Variants in CDH13 observed in about 807,000 individuals in gnomAD.
CDH13 encodes cadherin-13.
Under a neutral mutation model 63.8 loss-of-function variants are expected in CDH13, and 24 were observed. The observed-to-expected ratio is 0.38, with a 90% CI of 0.27 to 0.53. CDH13 has a LOEUF of 0.53. Ranked by LOEUF, CDH13 falls within the 20% of genes least tolerant of loss-of-function variation. The pLI is 0.85. For synonymous variants in CDH13, 503 were observed against 355.3 expected, an observed-to-expected ratio of 1.42 and a Z score of -4.67; for missense variants, 1,049 against 903.1, an observed-to-expected ratio of 1.16 and a Z score of -2.07.
At chr16:83,052,546 A>G (rs1440536607) in intron 3 of CDH13, among the ~76,000 whole-genome samples, 1 of 152,204 alleles carries the variant, frequency 6.6e-6, no homozygotes, top group Non-Finnish European at 1.5e-5. Flanking sequence ...TTGGGAGGCC[A>G]AGGCGGGCAG....
intron 1 of CDH13, among the ~76,000 whole-genome samples, chr16:82,765,221 T>C (rs1339356168): frequency 6.6e-6 from 1 of 152,216 alleles, no homozygotes; most frequent in Non-Finnish European, 1.5e-5. Flanking sequence ...AGTCCTCTGA[T>C]TCACAGTGAA....
intron 1 of CDH13, among the ~76,000 whole-genome samples, chr16:82,826,932 A>T (rs553673783): frequency 6.6e-6 from 1 of 152,306 alleles, no homozygotes; most frequent in East Asian, 1.9e-4. Flanking sequence ...GGGACTTGGG[A>T]AAGGTACTAA....
At chr16:82,778,460 T>G (rs1370949536) in intron 1 of CDH13, among the ~76,000 whole-genome samples, 5 of 151,566 alleles carry the variant, frequency 3.3e-5, no homozygotes, top group African/African-American at 4.9e-5. Flanking sequence ...AGTGTTGACC[T>G]TTGAAGTAGT....
intron 2 of CDH13, among the ~76,000 whole-genome samples, chr16:82,969,135 A>C (rs1183033070): frequency 6.6e-6 from 1 of 152,210 alleles, no homozygotes; most frequent in Admixed American, 6.5e-5. Context: ...AAACATTTTT[A>C]ATTATTTAAA....
intron 11 of CDH13, among the ~76,000 whole-genome samples, chr16:83,767,528 T>C (rs926921880): frequency 2.0e-5 from 3 of 152,210 alleles, no homozygotes; most frequent in Non-Finnish European, 4.4e-5. Flanking sequence ...TGGGTATATC[T>C]TTATTAGCAG....
chr16:83,098,325 T>C (rs981275728), intron 3 of CDH13, among the ~76,000 whole-genome samples: 5 of 152,368 alleles, frequency 3.3e-5, no homozygotes, highest in Non-Finnish European at 5.9e-5. Context: ...CTCTGGTTTT[T>C]AGTTGCTCAT....
At chr16:83,250,983 G>T (rs1035568) in intron 5 of CDH13, among the ~76,000 whole-genome samples, 150,442 of 152,112 alleles carry the variant, frequency 0.99, 74,420 homozygotes, top group Middle Eastern at 1. Context: ...TGGTTTATAT[G>T]CTCGGTGGTT....
chr16:82,821,289 T>G (rs725514), intron 1 of CDH13, among the ~76,000 whole-genome samples: 48,282 of 151,110 alleles, frequency 0.32, 8,808 homozygotes, highest in Non-Finnish European at 0.42. Flanking sequence ...TTAAGGCAAA[T>G]GAGTAAGTGT....
At chr16:83,073,321 CTGTGTGTGTGTG>C (rs567463667) in intron 3 of CDH13, among the ~76,000 whole-genome samples, 30 of 139,800 alleles carry the variant, frequency 2.1e-4, no homozygotes, top group African/African-American at 7.6e-4. Context: ...GGGTGTGTGT[CTGTGTGTGTGTG>C]TGTGTGTGTG....
At chr16:83,031,607 T>C (rs1162906633) in intron 2 of CDH13, among the ~76,000 whole-genome samples, 2 of 151,936 alleles carry the variant, frequency 1.3e-5, no homozygotes, top group African/African-American at 4.8e-5. Flanking sequence ...TTATCTTCAA[T>C]ACCCAGCTCA....
At chr16:83,282,342 C>T (rs1320089922) in intron 5 of CDH13, among the ~76,000 whole-genome samples, 1 of 152,126 alleles carries the variant, frequency 6.6e-6, no homozygotes, top group Non-Finnish European at 1.5e-5. Flanking sequence ...TAGACATGCT[C>T]AACGCAGGGT....
At chr16:83,213,659 T>C (rs1408171986) in intron 4 of CDH13, among the ~76,000 whole-genome samples, 2 of 152,156 alleles carry the variant, frequency 1.3e-5, no homozygotes, top group East Asian at 3.9e-4. Flanking sequence ...GTTAATAGAA[T>C]CTTCAAAAAG....
At chr16:83,110,305 T>G (rs2034995990) in intron 3 of CDH13, among the ~76,000 whole-genome samples, 1 of 152,308 alleles carries the variant, frequency 6.6e-6, no homozygotes, top group South Asian at 2.1e-4. Context: ...CATGTCTGTC[T>G]TTCAAAATGA....
At chr16:83,317,724 C>T (rs781276099) in intron 5 of CDH13, among the ~76,000 whole-genome samples, 3 of 151,738 alleles carry the variant, frequency 2.0e-5, no homozygotes, top group African/African-American at 2.4e-5. Flanking sequence ...CGCTTGAACC[C>T]GGGAGGCGGA....
At chr16:83,012,561 G>A (rs916358780) in intron 2 of CDH13, among the ~76,000 whole-genome samples, 5 of 151,878 alleles carry the variant, frequency 3.3e-5, no homozygotes, top group Non-Finnish European at 5.9e-5. Context: ...CTCTCTACAA[G>A]AAAAAACTAT....
chr16:83,563,184 A>C (rs1176936855), intron 7 of CDH13, among the ~76,000 whole-genome samples: 1 of 152,248 alleles, frequency 6.6e-6, no homozygotes, highest in Non-Finnish European at 1.5e-5. Context: ...AATGGCATCT[A>C]CCAGCTGCTT....
At chr16:83,610,045 T>C (rs1908714881) in intron 8 of CDH13, among the ~76,000 whole-genome samples, 1 of 152,244 alleles carries the variant, frequency 6.6e-6, no homozygotes, top group Non-Finnish European at 1.5e-5. Flanking sequence ...TAGTGTGTCT[T>C]AGTACTTCAT....
intron 3 of CDH13, among the ~76,000 whole-genome samples, chr16:83,037,924 C>G (rs1917009030): frequency 6.6e-6 from 1 of 152,088 alleles, no homozygotes; most frequent in Non-Finnish European, 1.5e-5. Flanking sequence ...CAGTTCCCAT[C>G]AATGGTATAA....
intron 7 of CDH13, among the ~76,000 whole-genome samples, chr16:83,512,513 C>G (rs1158974069): frequency 6.7e-6 from 1 of 150,180 alleles, no homozygotes; most frequent in African/African-American, 2.4e-5. Context: ...ACTAAAAATA[C>G]AAAAATTAGC....
Sources: gnomAD v4.1 joint callset for allele counts (sites outside exome capture counted in the v4.1 genomes callset) on GRCh38, gnomAD v4.1.1 for gene constraint, MANE v1.5 for transcripts, NCBI Gene and HGNC (gene_info 2026-07-23, HGNC 2026-07-21) for gene names.